ADGRA2: variants seen among roughly 807,000 people sequenced by gnomAD.
The protein encoded by ADGRA2 is adhesion G protein-coupled receptor A2, also known as G-protein coupled receptor 124.
Under a neutral mutation model 98.7 loss-of-function variants are expected in ADGRA2, and 61 were observed. That is an observed-to-expected ratio of 0.62 (90% CI 0.50 to 0.76). The LOEUF is 0.76. ADGRA2 is among the 30% of genes least tolerant of loss of function. The pLI, the probability that ADGRA2 is intolerant of heterozygous loss-of-function variation, is 0.00. For missense variants in ADGRA2, 1,712 were observed against 1,860.0 expected, an observed-to-expected ratio of 0.92 and a Z score of 1.46; for synonymous variants, 858 against 831.5, an observed-to-expected ratio of 1.03 and a Z score of -0.55.
intron 1 of ADGRA2, among the ~76,000 whole-genome samples, chr8:37,801,101 C>T (rs184434480): frequency 7.9e-5 from 12 of 152,244 alleles, no homozygotes; most frequent in Admixed American, 6.5e-4. Context: ...CAGTCAGAGG[C>T]GACCCCGTTC....
chr8:37,798,939 C>G (rs2129878998), intron 1 of ADGRA2, among the ~76,000 whole-genome samples: 1 of 152,344 alleles, frequency 6.6e-6, no homozygotes, highest in African/African-American at 2.4e-5. Flanking sequence ...TGTGGCTGTT[C>G]AGGGCAGCTC....
intron 1 of ADGRA2, among the ~76,000 whole-genome samples, chr8:37,798,018 G>A (rs994469995): frequency 7.2e-5 from 11 of 152,330 alleles, no homozygotes; most frequent in African/African-American, 2.6e-4. Context: ...CCCTTCAATT[G>A]GGGTCATCCC....
intron 2 of ADGRA2, among the ~76,000 whole-genome samples, chr8:37,827,210 T>A (rs1185784442): frequency 6.6e-6 from 1 of 152,136 alleles, no homozygotes; most frequent in African/African-American, 2.4e-5. Context: ...GGCCTTTGAG[T>A]AGGTGGGCAA....
At chr8:37,801,131 G>A (rs1804490213) in intron 1 of ADGRA2, among the ~76,000 whole-genome samples, 3 of 152,150 alleles carry the variant, frequency 2.0e-5, no homozygotes, top group African/African-American at 7.2e-5. Flanking sequence ...TTTACCGCAT[G>A]GAAAGCCCTC....
In ADGRA2 at chr8:37,814,314, T is replaced by C. The variant is rs1292850324; in HGVS notation, c.267-582T>C. On this transcript the variant is annotated intron_variant, in intron 1 of 18. Coordinates refer to ENST00000412232, the MANE Select transcript of ADGRA2 (RefSeq NM_032777.10). The surrounding 1 kb of genome is among the most constrained non-coding windows in gnomAD (Gnocchi z 4.3). ...TACACTCGGGGCTCCATTGGCTTTC[T>C]GCCAAGGCTTCAGAAGGCTTAGGAG... Among the ~76,000 whole-genome samples the C allele has an allele frequency of 6.6e-6, 1 of 152,200 alleles. No individual in the cohort carries two copies. Among genetic ancestry groups the C allele is most frequent in the East Asian group, 1.9e-4 (1 of 5,194 alleles).
rs1313282219 is a variant in ADGRA2 at position 37,797,611 on chromosome 8, A to C, written c.266+77A>C. ...GAGGCGAGACGGGAGGGGTGGGAGC[A>C]GGGGGAAGGGGGCTATCCCCCCACT... is the stretch of plus-strand genomic sequence containing the variant. On this transcript the variant is annotated intron_variant, in intron 1 of 18. Transcript: ENST00000412232. This position sits in a 1 kb window ranked among gnomAD's most constrained non-coding sequence, Gnocchi z 5.3. 3.4e-6 allele frequency: 2 copies of C among 589,556 alleles called. No homozygotes were observed. The highest frequency in any genetic ancestry group is 4.1e-5 in the African/African-American group (2 of 49,070). The allele number at this position is 589,556 out of a possible 1,614,324, so 36.5% of individuals were successfully genotyped here. A position where few individuals can be genotyped will look rare whatever the true frequency, so the allele number is the denominator to read the frequency against.
chr8:37,834,107 C>T lies in ADGRA2; in HGVS notation c.1587C>T (p.Pro529=), dbSNP rs1805541561. ...GCATTGGGGGGGCCGCCCTCAGCCC[C>T]CATGCCCAGCACATCTCAGTGGTAA... ...LERIGGAALS[P]HAQHISVNAR... Residue 529 remains proline (P), a synonymous_variant, in exon 11 of 19, where the codon CCC becomes CCT. Transcript: ENST00000412232. This position sits in a 1 kb window ranked among gnomAD's most constrained non-coding sequence, Gnocchi z 4.2. The T allele has an allele frequency of 1.2e-6, 2 of 1,611,770 alleles. No homozygotes were observed. The highest frequency in any genetic ancestry group is 1.7e-6 in the Non-Finnish European group (2 of 1,179,692).
chr8:37,805,778 C>T (rs545040097), intron 1 of ADGRA2, among the ~76,000 whole-genome samples: 10 of 151,946 alleles, frequency 6.6e-5, no homozygotes, highest in African/African-American at 2.4e-4. Context: ...CTGAGGCAGG[C>T]GAGTTACTTG....
chr8:37,805,126 A>G (rs992115109), intron 1 of ADGRA2, among the ~76,000 whole-genome samples: 2 of 152,202 alleles, frequency 1.3e-5, no homozygotes, highest in African/African-American at 2.4e-5. Flanking sequence ...TGGAGGTAGA[A>G]AGAAACTGCC....
At chr8:37,822,384 T>TATACACAC (rs1554524320) in intron 2 of ADGRA2, among the ~76,000 whole-genome samples, 35 of 147,206 alleles carry the variant, frequency 2.4e-4, no homozygotes, top group African/African-American at 8.8e-4. Flanking sequence ...TGTATGTGGG[T>TATACACAC]ACACACACAC....
At position 37,808,558 on chromosome 8, in the gene ADGRA2, C is replaced by CTGTGTG. The variant is rs150292268; in HGVS notation, c.267-6313_267-6308dup. ...ACATTTTTCTGCCCATTGGATGAAG[C>CTGTGTG]TGTGTGTGTGTGTGTGTGTGTGTGT... is the stretch of plus-strand genomic sequence containing the variant. On this transcript the variant is annotated intron_variant, in intron 1 of 18. Transcript: ENST00000412232. Among the ~76,000 whole-genome samples, 588 of 146,712 alleles carry CTGTGTG rather than the reference C, an allele frequency of 4.0e-3. 1 individual carries two copies. The highest frequency in any genetic ancestry group is 5.5e-3 in the Non-Finnish European group (365 of 66,248).
At chr8:37,836,803 G>A (rs1055022838) in intron 13 of ADGRA2, among the ~76,000 whole-genome samples, 1 of 152,164 alleles carries the variant, frequency 6.6e-6, no homozygotes, top group Admixed American at 6.5e-5. Flanking sequence ...CTAGCGATGT[G>A]GCTGTACCCC....
In ADGRA2 at chr8:37,841,623, G is replaced by C; in HGVS notation, c.3285G>C (p.Pro1095=). 1 of 1,535,018 alleles carries C rather than the reference G, an allele frequency of 6.5e-7. No individual in the cohort carries two copies. The highest frequency in any genetic ancestry group is 2.3e-4 in the Middle Eastern group (1 of 4,424). Residue 1095 remains proline (P), a synonymous_variant, in exon 19 of 19, where the codon CCG becomes CCC. Coordinates refer to ENST00000412232, the MANE Select transcript of ADGRA2 (RefSeq NM_032777.10). The surrounding 1 kb of genome is among the most constrained non-coding windows in gnomAD (Gnocchi z 5.0). ...PPASPAAPHA[P]PRALPAAAED... is the part of the protein sequence containing the mutation. The stretch of plus-strand genomic sequence containing the variant: ...CCTCTCCCGCGGCCCCCCATGCCCC[G>C]CCCCGGGCCCTGCCCGCCGCCGCAG...
At chr8:37,810,188 T>TAC (rs967827103) in intron 1 of ADGRA2, among the ~76,000 whole-genome samples, 9 of 151,752 alleles carry the variant, frequency 5.9e-5, no homozygotes, top group East Asian at 1.9e-4. Flanking sequence ...TATATATATA[T>TAC]ACACACACAC....
Position 37,797,138 on chromosome 8 carries a change from C to A in ADGRA2, c.-131C>A. 1.6e-6 allele frequency: 1 copy of A among 643,228 alleles called. No individual in the cohort carries two copies. The highest frequency in any genetic ancestry group is 2.1e-6 in the Non-Finnish European group (1 of 475,682). The allele number at this position is 643,228 out of a possible 1,614,324, so 39.8% of individuals were successfully genotyped here. ...CGGCGGGGACCCCGGGGCTCGCCTCCGCCCAGGGCCCCCCTCCACGCCCTC... is the reference window on the plus strand; with the variant it reads ...CGGCGGGGACCCCGGGGCTCGCCTCAGCCCAGGGCCCCCCTCCACGCCCTC... On this transcript the variant is annotated 5_prime_UTR_variant, in exon 1 of 19. Transcript: ENST00000412232. The surrounding 1 kb of genome is among the most constrained non-coding windows in gnomAD (Gnocchi z 5.3).
rs1474604156 is a variant in ADGRA2, at chr8:37,816,925, AAAAC to A, written c.338+1960_338+1963del. On this transcript the variant is annotated intron_variant, in intron 2 of 18. Transcript: ENST00000412232. ...AGCAAGACTGTCTCAAAAAGAAAGCAAAACACACACACACACACACACACACACA... is the reference window on the plus strand; with the variant it reads ...AGCAAGACTGTCTCAAAAAGAAAGCAACACACACACACACACACACACACA... Among the ~76,000 whole-genome samples, 173 of 91,672 alleles carry A rather than the reference AAAAC, an allele frequency of 1.9e-3. 1 individual carries two copies. Among genetic ancestry groups the A allele is most frequent in the African/African-American group, 8.5e-3 (166 of 19,548 alleles). The allele number at this position is 91,672 out of a possible 152,430, so 60.1% of individuals were successfully genotyped here. A position where few individuals can be genotyped will look rare whatever the true frequency, so the allele number is the denominator to read the frequency against.
rs999816792 is a variant in ADGRA2 at position 37,797,843 on chromosome 8, G to A, written c.266+309G>A. ...AGGGCACCCACGCCCCGGATTTCCA[G>A]CCTGGACTAGGGTTGCGGACTTTGG... On this transcript the variant is annotated intron_variant, in intron 1 of 18. Coordinates refer to ENST00000412232, the MANE Select transcript of ADGRA2 (RefSeq NM_032777.10). This position sits in a 1 kb window ranked among gnomAD's most constrained non-coding sequence, Gnocchi z 5.3. 1.3e-5 allele frequency among the ~76,000 whole-genome samples: 2 copies of A among 152,350 alleles called. No homozygotes were observed. The highest frequency in any genetic ancestry group is 3.9e-4 in the East Asian group (2 of 5,180).
intron 2 of ADGRA2, among the ~76,000 whole-genome samples, chr8:37,823,611 T>C (rs1805186961): frequency 6.6e-6 from 1 of 152,246 alleles, no homozygotes; most frequent in African/African-American, 2.4e-5. Context: ...GTGGAATTTC[T>C]GGGTCATATG....
chr8:37,836,582 T>C (rs1201136006), intron 13 of ADGRA2, among the ~76,000 whole-genome samples: 1 of 152,142 alleles, frequency 6.6e-6, no homozygotes, highest in Non-Finnish European at 1.5e-5. Flanking sequence ...ACCTGCCTTC[T>C]TTCTGCCAGT....
Sources: gnomAD v4.1 joint callset for allele counts (sites outside exome capture counted in the v4.1 genomes callset) on GRCh38, gnomAD v4.1.1 for gene constraint, Gnocchi (gnomAD v3.1) non-coding constraint, MANE v1.5 for transcripts, NCBI Gene and HGNC (gene_info 2026-07-23, HGNC 2026-07-21) for gene names.